PRPH: variants seen among roughly 807,000 people sequenced by gnomAD.
PRPH encodes neurofilament 4 (57kD).
A neutral mutation model predicts 52.6 loss-of-function variants in PRPH; 48 were observed. The observed-to-expected ratio is 0.91, with a 90% confidence interval of 0.72 to 1.16. The LOEUF (loss-of-function observed/expected upper bound fraction) is 1.16. PRPH is among the 50% of genes most tolerant of loss of function. PRPH has a pLI of 0.00. For missense variants in PRPH, 579 were observed against 635.7 expected, an observed-to-expected ratio of 0.91 and a Z score of 0.96; for synonymous variants, 279 against 283.8, an observed-to-expected ratio of 0.98 and a Z score of 0.17.
rs753493529 is a variant in PRPH at position 49,296,754 on chromosome 12, G to C, written c.703-135G>C. On this transcript the variant is annotated intron_variant, in intron 3 of 8. Coordinates refer to ENST00000257860, the MANE Select transcript of PRPH (RefSeq NM_006262.4). The surrounding 1 kb of genome is among the most constrained non-coding windows in gnomAD (Gnocchi z 5.1). ...CCTCTGGTCTCGCGCCCGCGGGGGC[G>C]CAGGGCTGTACGCCCTGCCCTCCCT... 27 of 1,388,318 alleles carry C rather than the reference G, an allele frequency of 1.9e-5. No individual in the cohort carries two copies. The highest frequency in any genetic ancestry group is 2.4e-5 in the Non-Finnish European group (24 of 1,019,844). The allele number at this position is 1,388,318 out of a possible 1,614,324, so 86.0% of individuals were successfully genotyped here.
rs764870638 is a variant in PRPH at position 49,296,193 on chromosome 12, G to A, written c.561G>A (p.Thr187=). ...AALKQRLEEE[T]RKREDAEHNL... is the part of the protein sequence containing the mutation. ...TTCCCGTCAGGTTGGAGGAGGAGACGCGCAAGCGGGAGGACGCGGAGCACA... is the reference window on the plus strand; with the variant it reads ...TTCCCGTCAGGTTGGAGGAGGAGACACGCAAGCGGGAGGACGCGGAGCACA... Residue 187 remains threonine, a synonymous_variant, in exon 2 of 9, where the codon ACG becomes ACA. Coordinates refer to ENST00000257860, the MANE Select transcript of PRPH (RefSeq NM_006262.4). This position sits in a 1 kb window ranked among gnomAD's most constrained non-coding sequence, Gnocchi z 5.1. 1.2e-6 allele frequency: 2 copies of A among 1,612,666 alleles called. No individual in the cohort carries two copies. Among genetic ancestry groups the A allele is most frequent in the Non-Finnish European group, 1.7e-6 (2 of 1,179,886 alleles).
Position 49,296,757 on chromosome 12 carries a change from G to T in PRPH, c.703-132G>T. ...CTGGTCTCGCGCCCGCGGGGGCGCA[G>T]GGCTGTACGCCCTGCCCTCCCTGGC... is the stretch of plus-strand genomic sequence containing the variant. On this transcript the variant is annotated intron_variant, in intron 3 of 8. Transcript: ENST00000257860. The surrounding 1 kb of genome is among the most constrained non-coding windows in gnomAD (Gnocchi z 5.1). 7.1e-7 allele frequency: 1 copy of T among 1,409,112 alleles called. No individual in the cohort carries two copies. The highest frequency in any genetic ancestry group is 1.3e-5 in the South Asian group (1 of 79,336). 87.3% of individuals were successfully genotyped at this position (1,409,112 alleles called of 1,614,324 possible).
In PRPH at chr12:49,297,014, C is replaced by G. The variant is rs1316468370; in HGVS notation, c.828C>G (p.Ala276=). The G allele has an allele frequency of 6.2e-7, 1 of 1,613,866 alleles. No individual in the cohort carries two copies. The highest frequency in any genetic ancestry group is 2.2e-5 in the East Asian group (1 of 44,848). The change falls in exon 4 of 9, where the codon GCC becomes GCG. Residue 276 remains alanine, a synonymous_variant. Coordinates refer to ENST00000257860, the MANE Select transcript of PRPH (RefSeq NM_006262.4). This position sits in a 1 kb window ranked among gnomAD's most constrained non-coding sequence, Gnocchi z 4.4. The part of the protein sequence containing the change: ...RDIRAQYESI[A]AKNLQEAEEW... Reference sequence around the variant, plus strand: ...TCCGCGCGCAGTACGAGAGCATCGCCGCGAAGAACCTGCAGGAGGCGGAGG... The same window carrying G: ...TCCGCGCGCAGTACGAGAGCATCGCGGCGAAGAACCTGCAGGAGGCGGAGG...
chr12:49,297,051 TC>T lies in PRPH; in HGVS notation c.867del (p.Lys290SerfsTer23). 2 of 1,613,666 alleles carry T rather than the reference TC, an allele frequency of 1.2e-6. No homozygotes were observed. The highest frequency in any genetic ancestry group is 1.7e-6 in the Non-Finnish European group (2 of 1,179,926). ...NLQEAEEWYKSKYADLSDAAN... is the reference protein window; with the variant it reads ...NLQEAEEWYKXKYADLSDAAN... ...GCAGGAGGCGGAGGAGTGGTACAAG[TC>T]CAAGGTGCAAGAGCCGGGAGGGCCT... On this transcript the variant is annotated frameshift_variant, in exon 4 of 9. Transcript: ENST00000257860. LOFTEE classifies it high-confidence loss of function. The surrounding 1 kb of genome is among the most constrained non-coding windows in gnomAD (Gnocchi z 4.4).
At chr12:49,298,181 G>C in intron 8 of PRPH, 107 bp from the exon 9 acceptor site, 6 of 1,495,372 alleles carry the variant, frequency 4.0e-6, no homozygotes, top group Non-Finnish European at 5.5e-6. Context: ...TAGATAACCA[G>C]GAGCCTCTGC....
chr12:49,295,369 C>T lies in PRPH; in HGVS notation c.169C>T (p.Leu57=), dbSNP rs774182741. The change falls in exon 1 of 9, where the codon CTG becomes TTG. Residue 57 remains leucine, a synonymous_variant. Transcript: ENST00000257860. ...GSASPSSSVR[L]GSFRSPRAGA... ...CGCGTCCCCGAGCTCCTCGGTGCGC[C>T]TGGGCAGCTTCCGTAGCCCCCGAGC... 47 of 1,609,148 alleles carry T rather than the reference C, an allele frequency of 2.9e-5. No homozygotes were observed. Among genetic ancestry groups the T allele is most frequent in the Non-Finnish European group, 3.7e-5 (44 of 1,178,770 alleles).
rs923098209 is a variant in PRPH, at chr12:49,295,451, A to T, written c.251A>T (p.Glu84Val). The change falls in exon 1 of 9, where the codon GAG (glutamate) becomes GTG (valine). Residue 84 changes from glutamate to valine, a missense_variant. By Grantham distance (121) the Glu-to-Val change is moderately radical. Coordinates refer to ENST00000257860, the MANE Select transcript of PRPH (RefSeq NM_006262.4). ...PSERLDFSMA[E>V]ALNQEFLATR... ...GAGCGCCTCGACTTCTCCATGGCCG[A>T]GGCCCTCAACCAGGAGTTCCTGGCC... The T allele has an allele frequency of 6.3e-5, 101 of 1,607,880 alleles. No homozygotes were observed. Among genetic ancestry groups the T allele is most frequent in the Non-Finnish European group, 8.4e-5 (99 of 1,177,904 alleles).
rs1943221542 is a variant in PRPH at position 49,298,606 on chromosome 12, C to T, written c.*253C>T. 20 of 531,120 alleles carry T rather than the reference C, an allele frequency of 3.8e-5. No individual in the cohort carries two copies. In the South Asian group the frequency reaches 4.3e-4, roughly 11 times the overall value. 32.9% of individuals were successfully genotyped at this position (531,120 alleles called of 1,614,324 possible). On this transcript the variant is annotated 3_prime_UTR_variant, in exon 9 of 9. Coordinates refer to ENST00000257860, the MANE Select transcript of PRPH (RefSeq NM_006262.4). ...CCAATGATCCCCCCTCAGGACAAAT[C>T]TACTCCAGCCACGATGAGAAGTGGG...
chr12:49,297,715 T>G lies in PRPH; in HGVS notation c.1256T>G (p.Ile419Arg), dbSNP rs1468123702. ...VPVHSFASLNIKTTVPEVEPP... is the reference protein window; with the variant it reads ...VPVHSFASLNRKTTVPEVEPP... The stretch of plus-strand genomic sequence containing the variant: ...GTCCATTCTTTTGCCTCCTTAAATA[T>G]AAAGACGACTGGTGAGTCTGGCTTA... The change falls in exon 7 of 9, where the codon ATA becomes AGA. Residue 419 changes from isoleucine to arginine, a missense_variant. Coordinates refer to ENST00000257860, the MANE Select transcript of PRPH (RefSeq NM_006262.4). This position sits in a 1 kb window ranked among gnomAD's most constrained non-coding sequence, Gnocchi z 4.4. 2 of 1,610,092 alleles carry G rather than the reference T, an allele frequency of 1.2e-6. No individual in the cohort carries two copies. Among genetic ancestry groups the G allele is most frequent in the Non-Finnish European group, 1.7e-6 (2 of 1,177,238 alleles).
At position 49,296,755 on chromosome 12, in the gene PRPH, C is replaced by G; in HGVS notation, c.703-134C>G. On this transcript the variant is annotated intron_variant, in intron 3 of 8. Transcript: ENST00000257860. The surrounding 1 kb of genome is among the most constrained non-coding windows in gnomAD (Gnocchi z 5.1). ...CTCTGGTCTCGCGCCCGCGGGGGCG[C>G]AGGGCTGTACGCCCTGCCCTCCCTG... 7.2e-7 allele frequency: 1 copy of G among 1,393,508 alleles called. No homozygotes were observed. Among genetic ancestry groups the G allele is most frequent in the Non-Finnish European group, 9.8e-7 (1 of 1,024,710 alleles). 86.3% of individuals were successfully genotyped at this position (1,393,508 alleles called of 1,614,324 possible). A position where few individuals can be genotyped will look rare whatever the true frequency, so the allele number is the denominator to read the frequency against.
In PRPH at chr12:49,296,403, T is replaced by C. The variant is rs748254394; in HGVS notation, c.607-29T>C. On this transcript the variant is annotated intron_variant, in intron 2 of 8. Transcript: ENST00000257860. This position sits in a 1 kb window ranked among gnomAD's most constrained non-coding sequence, Gnocchi z 5.1. ...CTTGGTCTGCGCAGCCCCTAACTTATCTTGAACCTCCACTGCCACCCCTCG... is the reference window on the plus strand; with the variant it reads ...CTTGGTCTGCGCAGCCCCTAACTTACCTTGAACCTCCACTGCCACCCCTCG... 50 of 1,610,314 alleles carry C rather than the reference T, an allele frequency of 3.1e-5. No homozygotes were observed. In the East Asian group the frequency reaches 6.2e-4, roughly 20 times the overall value.
Position 49,297,364 on chromosome 12 carries a change from C to G in PRPH, c.1004C>G (p.Ala335Gly). The change falls in exon 6 of 9, where the codon GCG becomes GGG. Residue 335 changes from alanine (A) to glycine (G), a missense_variant. Transcript: ENST00000257860. This position sits in a 1 kb window ranked among gnomAD's most constrained non-coding sequence, Gnocchi z 4.4. ...EVDGLRGTNE[A>G]LLRQLRELEE... Reference sequence around the variant, plus strand: ...TCCACTCTCCTACCCCAGAACGAGGCGCTGCTCAGGCAGTTGAGAGAGCTG... The same window carrying G: ...TCCACTCTCCTACCCCAGAACGAGGGGCTGCTCAGGCAGTTGAGAGAGCTG... 1 of 1,613,650 alleles carries G rather than the reference C, an allele frequency of 6.2e-7. No individual in the cohort carries two copies. Among genetic ancestry groups the G allele is most frequent in the Non-Finnish European group, 8.5e-7 (1 of 1,179,972 alleles).
rs1943170473 is a variant in PRPH, at chr12:49,295,806, C to A, written c.545+61C>A. On this transcript the variant is annotated intron_variant, in intron 1 of 8. Transcript: ENST00000257860. ...GAGGTCGAAGCGGCCGTCGAGGCGG[C>A]TGCTCTTGCCTCCCCTCGCTTCCCC... The A allele has an allele frequency of 6.9e-6, 10 of 1,439,944 alleles. No homozygotes were observed. The South Asian group carries it at 1.3e-4, about 19-fold the overall frequency. 89.2% of individuals were successfully genotyped at this position (1,439,944 alleles called of 1,614,324 possible).
Position 49,295,520 on chromosome 12 carries a change from G to A in PRPH, c.320G>A (p.Arg107His), listed in dbSNP as rs1370671302. The change falls in exon 1 of 9, where the codon CGC becomes CAC. Residue 107 changes from arginine to histidine, a missense_variant. Physicochemically the swap from Arg to His is conservative, Grantham distance 29 (BLOSUM62 0). Coordinates refer to ENST00000257860, the MANE Select transcript of PRPH (RefSeq NM_006262.4). ...EKQELQELND[R>H]FANFIEKVRF... ...CAGGAGCTGCAGGAGCTCAACGACC[G>A]CTTCGCCAACTTCATCGAGAAGGTA... is the stretch of plus-strand genomic sequence containing the variant. 1.2e-6 allele frequency: 2 copies of A among 1,602,476 alleles called. No individual in the cohort carries two copies. The highest frequency in any genetic ancestry group is 8.5e-7 in the Non-Finnish European group (1 of 1,174,920).
At position 49,296,651 on chromosome 12, in the gene PRPH, C is replaced by T. The variant is rs1356146966; in HGVS notation, c.702+124C>T. The T allele has an allele frequency of 4.5e-6, 5 of 1,112,574 alleles. No homozygotes were observed. The highest frequency in any genetic ancestry group is 2.7e-5 in the South Asian group (2 of 75,356). The allele number at this position is 1,112,574 out of a possible 1,614,324, so 68.9% of individuals were successfully genotyped here. A position where few individuals can be genotyped will look rare whatever the true frequency, so the allele number is the denominator to read the frequency against. ...ATGCTGGGTAGACGCAGCCCCTCCA[C>T]CCTAGTCTACAGGTGGTTAGACTCC... On this transcript the variant is annotated intron_variant, in intron 3 of 8. Coordinates refer to ENST00000257860, the MANE Select transcript of PRPH (RefSeq NM_006262.4). This position sits in a 1 kb window ranked among gnomAD's most constrained non-coding sequence, Gnocchi z 5.1.
chr12:49,295,253 G>C lies in PRPH; in HGVS notation c.53G>C (p.Arg18Pro). 1 of 1,611,722 alleles carries C rather than the reference G, an allele frequency of 6.2e-7. No homozygotes were observed. Among genetic ancestry groups the C allele is most frequent in the Non-Finnish European group, 8.5e-7 (1 of 1,179,640 alleles). The change falls in exon 1 of 9, where the codon CGC becomes CCC. Residue 18 changes from arginine to proline, a missense_variant. Coordinates refer to ENST00000257860, the MANE Select transcript of PRPH (RefSeq NM_006262.4). ...LRAGFSSTSYRRTFGPPPSLS... is the reference protein window; with the variant it reads ...LRAGFSSTSYPRTFGPPPSLS... ...GCCGGCTTCAGCTCCACCTCATACC[G>C]CCGTACCTTCGGTCCACCGCCCTCA... is the stretch of plus-strand genomic sequence containing the variant.
chr12:49,297,356 G>A lies in PRPH; in HGVS notation c.997-1G>A. The A allele has an allele frequency of 6.2e-7, 1 of 1,613,682 alleles. No homozygotes were observed. Among genetic ancestry groups the A allele is most frequent in the Non-Finnish European group, 8.5e-7 (1 of 1,179,972 alleles). On this transcript the variant is annotated splice_acceptor_variant, in intron 5 of 8. Coordinates refer to ENST00000257860, the MANE Select transcript of PRPH (RefSeq NM_006262.4). LOFTEE classifies it high-confidence loss of function. This position sits in a 1 kb window ranked among gnomAD's most constrained non-coding sequence, Gnocchi z 4.4. ...TGGCCCCTTCCACTCTCCTACCCCA[G>A]AACGAGGCGCTGCTCAGGCAGTTGA...
Position 49,297,313 on chromosome 12 carries a change from G to A in PRPH, c.996+40G>A, listed in dbSNP as rs1943198206. On this transcript the variant is annotated intron_variant, in intron 5 of 8. Transcript: ENST00000257860. This position sits in a 1 kb window ranked among gnomAD's most constrained non-coding sequence, Gnocchi z 4.4. ...GCGCGCTCGGGCCCGGGGAGCGGAC[G>A]ATGAAATGTTCTGCAACTGGCCCCT... 1 of 1,613,634 alleles carries A rather than the reference G, an allele frequency of 6.2e-7. No homozygotes were observed.
chr12:49,297,944 C>T lies in PRPH; in HGVS notation c.1268-14C>T, dbSNP rs1486778727. 1 of 1,613,980 alleles carries T rather than the reference C, an allele frequency of 6.2e-7. No individual in the cohort carries two copies. The highest frequency in any genetic ancestry group is 8.5e-7 in the Non-Finnish European group (1 of 1,179,912). On this transcript the variant is annotated splice_polypyrimidine_tract_variant and intron_variant, in intron 7 of 8. Coordinates refer to ENST00000257860, the MANE Select transcript of PRPH (RefSeq NM_006262.4). This position sits in a 1 kb window ranked among gnomAD's most constrained non-coding sequence, Gnocchi z 4.4. Reference sequence around the variant, plus strand: ...ACGCCTTCCCCCTTGAACCCTTTATCCTGCTTTCTTCAGTGCCTGAGGTGG... The same window carrying T: ...ACGCCTTCCCCCTTGAACCCTTTATTCTGCTTTCTTCAGTGCCTGAGGTGG...
Sources: gnomAD v4.1 joint callset for allele counts on GRCh38, gnomAD v4.1.1 for gene constraint, Gnocchi (gnomAD v3.1) non-coding constraint, MANE v1.5 for transcripts, NCBI Gene and HGNC (gene_info 2026-07-23, HGNC 2026-07-21) for gene names.